TBCEL: variants seen among roughly 807,000 people sequenced by gnomAD.
TBCEL encodes the protein tubulin folding cofactor E like.
In TBCEL, 15 loss-of-function variants were observed where a neutral mutation model predicts 44.2. That is an observed-to-expected ratio of 0.34 (90% CI 0.23 to 0.52). The LOEUF (loss-of-function observed/expected upper bound fraction) is 0.52, where lower values mean the gene tolerates loss of function less well. Ranked by LOEUF, TBCEL falls within the 20% of genes least tolerant of loss-of-function variation. TBCEL has a pLI of 0.95. For missense variants in TBCEL, 319 were observed against 506.3 expected, an observed-to-expected ratio of 0.63 and a Z score of 3.55; for synonymous variants, 171 against 185.4, an observed-to-expected ratio of 0.92 and a Z score of 0.63.
intron 1 of TBCEL, among the ~76,000 whole-genome samples, chr11:121,032,522 C>T (rs932347770): frequency 1.3e-5 from 2 of 152,088 alleles, no homozygotes; most frequent in African/African-American, 2.4e-5. Flanking sequence ...ATCATTGATT[C>T]GTTAACATTG....
At chr11:121,059,160 T>C (rs1177111772) in intron 7 of TBCEL, among the ~76,000 whole-genome samples, 1 of 151,958 alleles carries the variant, frequency 6.6e-6, no homozygotes, top group East Asian at 1.9e-4. Flanking sequence ...AGAAGAGTGG[T>C]TCTTTAAACA....
chr11:121,080,048 C>T (rs1946097935), intron 8 of TBCEL, among the ~76,000 whole-genome samples: 1 of 152,104 alleles, frequency 6.6e-6, no homozygotes. Context: ...AACTCTTGAC[C>T]TCAGGCAGTC....
chr11:121,073,133 C>G (rs1328045143), intron 8 of TBCEL, among the ~76,000 whole-genome samples: 1 of 151,896 alleles, frequency 6.6e-6, no homozygotes, highest in African/African-American at 2.4e-5. Flanking sequence ...ATTGTAGGCC[C>G]TTTTCTCTTC....
chr11:121,063,482 G>C (rs1236058045), intron 8 of TBCEL, among the ~76,000 whole-genome samples: 1 of 152,032 alleles, frequency 6.6e-6, no homozygotes, highest in Non-Finnish European at 1.5e-5. Context: ...TGTTTGGGTG[G>C]TATTCATTTC....
chr11:121,063,194 T>C (rs1945756598), intron 8 of TBCEL, among the ~76,000 whole-genome samples: 1 of 152,136 alleles, frequency 6.6e-6, no homozygotes, highest in Non-Finnish European at 1.5e-5. Context: ...GATTATCTGC[T>C]CCATTTTAGC....
intron 4 of TBCEL, 77 bp downstream of exon 4, chr11:121,047,744 CT>C (rs1945455281): frequency 1.3e-6 from 2 of 1,525,228 alleles, no homozygotes; most frequent in African/African-American, 2.8e-5. Context: ...ATTATATGTT[CT>C]GCTAAATTCT....
intron 8 of TBCEL, among the ~76,000 whole-genome samples, chr11:121,066,631 A>T (rs1945826379): frequency 1.3e-5 from 2 of 152,242 alleles, no homozygotes; most frequent in South Asian, 4.1e-4. Flanking sequence ...AAGGAACTAT[A>T]ATAGTATTCA....
At chr11:121,058,583 G>A (rs1422508989) in intron 7 of TBCEL, 112 bp downstream of exon 7, 1 of 1,397,934 alleles carries the variant, frequency 7.2e-7, no homozygotes, top group Non-Finnish European at 9.9e-7. Flanking sequence ...CCTTTGAGCA[G>A]ACTGTGCTTG....
chr11:121,053,810 C>A, intron 5 of TBCEL, 78 bp downstream of exon 5: 9 of 1,405,942 alleles, frequency 6.4e-6, no homozygotes, highest in South Asian at 5.9e-5. Context: ...TGATCTCCCA[C>A]GCAAGAAATA....
rs146674593 is a variant in TBCEL, at chr11:121,056,911, G to A, written c.713-1434G>A. On this transcript the variant is annotated intron_variant, in intron 6 of 8. Coordinates refer to ENST00000683345, the MANE Select transcript of TBCEL (RefSeq NM_001363644.2). ...TATGAGATATGTCTTCTGCAAATACGTTCTCCCAGTCTGTGACTTTTTTTC... is the reference window on the plus strand; with the variant it reads ...TATGAGATATGTCTTCTGCAAATACATTCTCCCAGTCTGTGACTTTTTTTC... Among the ~76,000 whole-genome samples, 477 of 151,690 alleles carry A rather than the reference G, an allele frequency of 3.1e-3. 19 individuals carry two copies. The highest frequency in any genetic ancestry group is 0.027 in the Admixed American group (414 of 15,206).
At chr11:121,060,187 T>G in intron 8 of TBCEL, 102 bp downstream of exon 8, 1 of 762,086 alleles carries the variant, frequency 1.3e-6, no homozygotes, top group Non-Finnish European at 2.2e-6. Flanking sequence ...GGACCCTTCT[T>G]AGAGAACTTT....
intron 6 of TBCEL, among the ~76,000 whole-genome samples, chr11:121,057,954 T>C (rs1945651172): frequency 6.6e-6 from 1 of 151,904 alleles, no homozygotes; most frequent in African/African-American, 2.4e-5. Flanking sequence ...TCGATAGTTT[T>C]ATTCCATGAG....
chr11:121,033,438 A>C (rs1945177358), intron 1 of TBCEL, among the ~76,000 whole-genome samples: 2 of 152,140 alleles, frequency 1.3e-5, no homozygotes, highest in Admixed American at 1.3e-4. Flanking sequence ...ATAAATGAAG[A>C]TTGTATACAT....
At chr11:121,063,901 A>G (rs1945770069) in intron 8 of TBCEL, among the ~76,000 whole-genome samples, 1 of 152,186 alleles carries the variant, frequency 6.6e-6, no homozygotes, top group South Asian at 2.1e-4. Context: ...TTTTACCACT[A>G]GTCCTGGTAA....
chr11:121,079,063 G>T (rs552079791), intron 8 of TBCEL, among the ~76,000 whole-genome samples: 1 of 152,188 alleles, frequency 6.6e-6, no homozygotes, highest in African/African-American at 2.4e-5. Flanking sequence ...TGAAACAAAT[G>T]TAGTTCCATG....
chr11:121,029,726 T>C (rs1372848258), intron 1 of TBCEL, among the ~76,000 whole-genome samples: 2 of 152,222 alleles, frequency 1.3e-5, no homozygotes, highest in African/African-American at 2.4e-5. Flanking sequence ...TGAAAAGTTA[T>C]TTAAAACTGT....
At chr11:121,086,298 G>C (rs1293696079) in intron 8 of TBCEL, among the ~76,000 whole-genome samples, 1 of 152,198 alleles carries the variant, frequency 6.6e-6, no homozygotes, top group African/African-American at 2.4e-5. Context: ...ATCTCTGAAA[G>C]AGCTTGGTTA....
At chr11:121,062,591 C>T (rs1460749368) in intron 8 of TBCEL, among the ~76,000 whole-genome samples, 4 of 152,124 alleles carry the variant, frequency 2.6e-5, no homozygotes, top group South Asian at 2.1e-4. Context: ...CCTAACTGTA[C>T]AGTGAATTGT....
chr11:121,086,086 T>C (rs1170741606), intron 8 of TBCEL, among the ~76,000 whole-genome samples: 1 of 152,192 alleles, frequency 6.6e-6, no homozygotes, highest in Non-Finnish European at 1.5e-5. Flanking sequence ...GACAAGATTT[T>C]CTCTATGGGA....
Sources: gnomAD v4.1 joint callset for allele counts (sites outside exome capture counted in the v4.1 genomes callset) on GRCh38, gnomAD v4.1.1 for gene constraint, MANE v1.5 for transcripts, NCBI Gene and HGNC (gene_info 2026-07-23, HGNC 2026-07-21) for gene names.